The following CNOT2 variants were observed in gnomAD, a reference collection of about 807,000 sequenced individuals.
The protein encoded by CNOT2 is CCR4-NOT transcription complex subunit 2, also known as CC chemokine receptor 4-negative regulator of transcription 2.
A neutral mutation model predicts 72.1 loss-of-function variants in CNOT2; 7 were observed. The observed-to-expected ratio is 0.10, with a 90% confidence interval of 0.06 to 0.18. The LOEUF is 0.18. Ranked by LOEUF, CNOT2 falls within the 10% of genes least tolerant of loss-of-function variation. The pLI, the probability that CNOT2 is intolerant of heterozygous loss-of-function variation, is 1.00. For synonymous variants in CNOT2, 196 were observed against 225.6 expected (o/e 0.87, Z 1.17); for missense variants, 345 against 660.3 (o/e 0.52, Z 5.23).
chr12:70,332,259 A>G (rs746484604), intron 6 of CNOT2: 1 of 151,866 alleles, frequency 6.6e-6, no homozygotes. Context: ...GGAGTTTAAC[A>G]TGGGAGGAGT....
chr12:70,281,156 C>T (rs537000968), intron 2 of CNOT2, among the ~76,000 whole-genome samples: 1 of 150,316 alleles, frequency 6.7e-6, no homozygotes, highest in Non-Finnish European at 1.5e-5. Flanking sequence ...CAGTGGTGCG[C>T]TCACTGCAAC....
At chr12:70,333,275 C>A (rs187933412) in intron 7 of CNOT2, among the ~76,000 whole-genome samples, 3 of 151,810 alleles carry the variant, frequency 2.0e-5, no homozygotes, top group African/African-American at 4.8e-5. Context: ...GGAACACTTA[C>A]GTTTTTTCTT....
At chr12:70,250,363 T>G (rs1331896647) in intron 1 of CNOT2, among the ~76,000 whole-genome samples, 1 of 152,184 alleles carries the variant, frequency 6.6e-6, no homozygotes, top group African/African-American at 2.4e-5. Context: ...AGAAATTGTT[T>G]ATTAAATTTA....
At chr12:70,292,934 C>T (rs1872165697) in intron 2 of CNOT2, among the ~76,000 whole-genome samples, 1 of 152,096 alleles carries the variant, frequency 6.6e-6, no homozygotes, top group African/African-American at 2.4e-5. Context: ...CTTCCTGTAA[C>T]ATAAATTAGG....
intron 4 of CNOT2, among the ~76,000 whole-genome samples, chr12:70,324,431 G>A (rs1878760549): frequency 1.3e-5 from 2 of 151,922 alleles, no homozygotes; most frequent in African/African-American, 2.4e-5. Flanking sequence ...GTGTTGAGAA[G>A]TGATCAGATT....
intron 2 of CNOT2, among the ~76,000 whole-genome samples, chr12:70,310,248 G>T (rs1593199403): frequency 6.6e-6 from 1 of 152,046 alleles, no homozygotes; most frequent in African/African-American, 2.4e-5. Context: ...AATTTATGTT[G>T]GTGTGAGCTC....
intron 3 of CNOT2, among the ~76,000 whole-genome samples, chr12:70,317,630 T>G (rs1241029932): frequency 2.0e-5 from 3 of 150,640 alleles, no homozygotes; most frequent in African/African-American, 7.3e-5. Context: ...TTTTTTTTTT[T>G]TTTTTTAGAA....
At chr12:70,341,810 C>G (rs1281151568) in intron 11 of CNOT2, among the ~76,000 whole-genome samples, 1 of 152,018 alleles carries the variant, frequency 6.6e-6, no homozygotes, top group Non-Finnish European at 1.5e-5. Context: ...TTTAAAGCAT[C>G]TTGAGTTGAA....
intron 1 of CNOT2, among the ~76,000 whole-genome samples, chr12:70,259,493 C>T (rs1036088214): frequency 1.3e-5 from 2 of 152,068 alleles, no homozygotes; most frequent in Non-Finnish European, 2.9e-5. Flanking sequence ...TCCCATCAAC[C>T]CTCAAGTTCA....
intron 8 of CNOT2, chr12:70,335,851 T>C (rs1167477766): frequency 4.6e-6 from 1 of 215,348 alleles, no homozygotes; most frequent in Non-Finnish European, 9.3e-6. Flanking sequence ...TTAGTTTACC[T>C]TAAGTGTTTT....
chr12:70,321,345 G>T lies in CNOT2; in HGVS notation c.238+1981G>T, dbSNP rs1195464205. Among the ~76,000 whole-genome samples, 5 of 151,928 alleles carry T rather than the reference G, an allele frequency of 3.3e-5. No individual in the cohort carries two copies. In the East Asian group the frequency reaches 9.7e-4, roughly 29 times the overall value. ...TAGGTTGCCAATTTCTATCTGTTAGGACAGACCCGAGAAGGCCAAATAGGT... is the reference window on the plus strand; with the variant it reads ...TAGGTTGCCAATTTCTATCTGTTAGTACAGACCCGAGAAGGCCAAATAGGT... On this transcript the variant is annotated intron_variant, in intron 4 of 15. Transcript: ENST00000229195.
rs1054999240 is a variant in CNOT2 at position 70,260,274 on chromosome 12, T to A, written c.-96+16794T>A. 3.9e-5 allele frequency among the ~76,000 whole-genome samples: 6 copies of A among 152,214 alleles called. No homozygotes were observed. The South Asian group carries it at 6.2e-4, about 16-fold the overall frequency. On this transcript the variant is annotated intron_variant, in intron 1 of 15. Coordinates refer to ENST00000229195, the MANE Select transcript of CNOT2 (RefSeq NM_014515.7). ...TATAGTTATTTAATTTCTTTTTTTTTAATCAATTGAGTACCAAAATAGACT... is the reference window on the plus strand; with the variant it reads ...TATAGTTATTTAATTTCTTTTTTTTAAATCAATTGAGTACCAAAATAGACT...
rs145807609 is a variant in CNOT2, at chr12:70,343,898, A to G, written c.1291-230A>G. On this transcript the variant is annotated intron_variant, in intron 13 of 15. Transcript: ENST00000229195. ...ATTGAGCTTTTCTTCCAGTCAGCAT[A>G]TCAATTAGATGTATCAGAAATAATT... 1.6e-3 allele frequency: 610 copies of G among 378,366 alleles called. 1 individual carries two copies. Among genetic ancestry groups the G allele is most frequent in the African/African-American group, 0.012 (573 of 47,782 alleles). The allele number at this position is 378,366 out of a possible 1,614,324, so 23.4% of individuals were successfully genotyped here. A position where few individuals can be genotyped will look rare whatever the true frequency, so the allele number is the denominator to read the frequency against.
chr12:70,251,106 C>T (rs1958121856), intron 1 of CNOT2, among the ~76,000 whole-genome samples: 2 of 152,234 alleles, frequency 1.3e-5, no homozygotes, highest in South Asian at 2.1e-4. Context: ...AAAACCTATA[C>T]TTTTCTTAGA....
intron 4 of CNOT2, among the ~76,000 whole-genome samples, chr12:70,324,789 G>A (rs913772488): frequency 2.0e-5 from 3 of 151,764 alleles, no homozygotes; most frequent in South Asian, 4.1e-4. Context: ...CTGTTCCTCC[G>A]CCAGGTGTAT....
At position 70,256,332 on chromosome 12, in the gene CNOT2, T is replaced by G. The variant is rs144074800; in HGVS notation, c.-96+12852T>G. On this transcript the variant is annotated intron_variant, in intron 1 of 15. Coordinates refer to ENST00000229195, the MANE Select transcript of CNOT2 (RefSeq NM_014515.7). ...TTGATTTGGAACATCTGATTCAAATTAATGATTTGAGAAGTTTTTAATATA... is the reference window on the plus strand; with the variant it reads ...TTGATTTGGAACATCTGATTCAAATGAATGATTTGAGAAGTTTTTAATATA... 1.7e-4 allele frequency among the ~76,000 whole-genome samples: 26 copies of G among 152,224 alleles called. No individual in the cohort carries two copies. In the East Asian group the frequency reaches 4.0e-3, roughly 24 times the overall value.
intron 1 of CNOT2, among the ~76,000 whole-genome samples, chr12:70,264,085 T>C (rs1317123809): frequency 1.3e-5 from 2 of 152,220 alleles, no homozygotes; most frequent in Non-Finnish European, 2.9e-5. Flanking sequence ...GACTGCTCTT[T>C]TGTTATTAAC....
chr12:70,309,507 C>T (rs892951986), intron 2 of CNOT2, among the ~76,000 whole-genome samples: 4 of 152,066 alleles, frequency 2.6e-5, no homozygotes, highest in African/African-American at 4.8e-5. Flanking sequence ...GTTTGGCCTT[C>T]AAAGTCTGCA....
chr12:70,260,393 T>C (rs1958688539), intron 1 of CNOT2, among the ~76,000 whole-genome samples: 1 of 152,174 alleles, frequency 6.6e-6, no homozygotes, highest in Admixed American at 6.5e-5. Context: ...TCTTGGATGC[T>C]TCAGAAATGG....
Sources: allele counts gnomAD v4.1 joint callset (sites outside exome capture counted in the v4.1 genomes callset), GRCh38; gene constraint gnomAD v4.1.1; transcripts MANE v1.5; gene names NCBI Gene and HGNC (gene_info 2026-07-23, HGNC 2026-07-21).